Variants in LHX2 observed in about 807,000 individuals in gnomAD.
The protein encoded by LHX2 is LIM/homeobox protein Lhx2.
Under a neutral mutation model 33.0 loss-of-function variants are expected in LHX2, and 6 were observed. That is an observed-to-expected ratio of 0.18 (90% CI 0.10 to 0.36). The LOEUF (loss-of-function observed/expected upper bound fraction) is 0.36, where lower values mean the gene tolerates loss of function less well. Among genes scored for constraint, LHX2 ranks in the 10% least tolerant of loss-of-function variants. The pLI, the probability that LHX2 is intolerant of heterozygous loss-of-function variation, is 1.00. For synonymous variants in LHX2, 292 were observed against 253.1 expected (o/e 1.15, Z -1.46); for missense variants, 442 against 586.2 (o/e 0.75, Z 2.54).
In LHX2 at chr9:124,014,293, C is replaced by G. The variant is rs574111621; in HGVS notation, c.323+130C>G. On this transcript the variant is annotated intron_variant, in intron 2 of 4. Transcript: ENST00000373615. The surrounding 1 kb of genome is among the most constrained non-coding windows in gnomAD (Gnocchi z 4.8). ...CTACTCAGGACTCCCCCGCTCCCCCCCCAAGTTCTCCAAGCCACCACAAGT... is the reference window on the plus strand; with the variant it reads ...CTACTCAGGACTCCCCCGCTCCCCCGCCAAGTTCTCCAAGCCACCACAAGT... The G allele has an allele frequency of 1.8e-4, 112 of 622,440 alleles. 2 individuals are homozygous for G. The highest frequency in any genetic ancestry group is 9.9e-4 in the South Asian group (55 of 55,510). The allele number at this position is 622,440 out of a possible 1,614,324, so 38.6% of individuals were successfully genotyped here. A position where few individuals can be genotyped will look rare whatever the true frequency, so the allele number is the denominator to read the frequency against.
intron 4 of LHX2, among the ~76,000 whole-genome samples, chr9:124,027,602 A>G (rs1442785540): frequency 6.6e-6 from 1 of 152,072 alleles, no homozygotes; most frequent in Non-Finnish European, 1.5e-5. Context: ...GCAGATCACA[A>G]GGTCAGGAGG....
intron 4 of LHX2, among the ~76,000 whole-genome samples, chr9:124,023,395 C>T (rs2118769613): frequency 6.6e-6 from 1 of 152,334 alleles, no homozygotes; most frequent in African/African-American, 2.4e-5. Flanking sequence ...TGGGCATAGA[C>T]AGGCTTGCTC....
intron 4 of LHX2, among the ~76,000 whole-genome samples, chr9:124,031,101 G>T (rs751815489): frequency 3.9e-5 from 6 of 152,138 alleles, no homozygotes; most frequent in African/African-American, 1.4e-4. Context: ...CCCGCCGCAC[G>T]TCCCTCATAA....
chr9:124,027,370 G>A (rs1315215463), intron 4 of LHX2, among the ~76,000 whole-genome samples: 1 of 152,222 alleles, frequency 6.6e-6, no homozygotes, highest in East Asian at 1.9e-4. Context: ...CATAGAACCA[G>A]TCTGTTGGAA....
Position 124,015,353 on chromosome 9 carries a change from C to A in LHX2, c.555C>A (p.Asp185Glu), listed in dbSNP as rs757898602. The A allele has an allele frequency of 6.2e-7, 1 of 1,611,270 alleles. No homozygotes were observed. The highest frequency in any genetic ancestry group is 2.2e-5 in the East Asian group (1 of 44,798). Residue 185 changes from aspartate to glutamate, a missense_variant, in exon 3 of 5, where the codon GAC becomes GAA. Coordinates refer to ENST00000373615, the MANE Select transcript of LHX2 (RefSeq NM_004789.4). This position sits in a 1 kb window ranked among gnomAD's most constrained non-coding sequence, Gnocchi z 7.9. ...GEYPAHFNHA[D>E]VAAAAAAAAA... Reference sequence around the variant, plus strand: ...ACCCCGCACACTTCAACCATGCCGACGTGGCAGCGGCGGCCGCTGCAGCCG... The same window carrying A: ...ACCCCGCACACTTCAACCATGCCGAAGTGGCAGCGGCGGCCGCTGCAGCCG...
intron 4 of LHX2, among the ~76,000 whole-genome samples, chr9:124,030,046 A>G (rs1828686663): frequency 6.6e-6 from 1 of 152,202 alleles, no homozygotes; most frequent in South Asian, 2.1e-4. Flanking sequence ...AGAAGGGGTG[A>G]TGGGCTTTCT....
At position 124,021,103 on chromosome 9, in the gene LHX2, A is replaced by G. The variant is rs1231923456; in HGVS notation, c.732A>G (p.Leu244=). Reference sequence around the variant, plus strand: ...GGCTCTGTGTCTCCTCCCTAGCGCTAAGCTGCAACGAAAACGACGCAGAGC... The same window carrying G: ...GGCTCTGTGTCTCCTCCCTAGCGCTGAGCTGCAACGAAAACGACGCAGAGC... ...GADLAAYNAA[L]SCNENDAEHL... Residue 244 remains leucine, a synonymous_variant, in exon 4 of 5, where the codon CTA becomes CTG. Coordinates refer to ENST00000373615, the MANE Select transcript of LHX2 (RefSeq NM_004789.4). 2 of 1,613,980 alleles carry G rather than the reference A, an allele frequency of 1.2e-6. No individual in the cohort carries two copies. The highest frequency in any genetic ancestry group is 1.1e-5 in the South Asian group (1 of 91,078).
intron 3 of LHX2, among the ~76,000 whole-genome samples, chr9:124,018,682 T>A (rs1179163038): frequency 1.3e-5 from 2 of 152,068 alleles, no homozygotes; most frequent in Non-Finnish European, 2.9e-5. Context: ...CCGCTCTCCC[T>A]ATTTCTTGCT....
Position 124,013,988 on chromosome 9 carries a change from G to A in LHX2, c.148G>A (p.Ala50Thr), listed in dbSNP as rs113895098. Residue 50 changes from alanine (A) to threonine (T), a missense_variant, in exon 2 of 5, where the codon GCC becomes ACC. Ala to Thr is a moderately conservative substitution (Grantham distance 58). Around this residue, in one of 5 missense-constraint regions of LHX2, gnomAD observed 97 missense variants for 81.5 expected, o/e 1.19. Transcript: ENST00000373615. ...TTMPSISSDRAALCAGCGGKI... is the reference protein window; with the variant it reads ...TTMPSISSDRTALCAGCGGKI... ...CATGCCGTCCATCAGCAGTGACCGCGCCGCGCTGTGCGCCGGCTGCGGGGG... is the reference window on the plus strand; with the variant it reads ...CATGCCGTCCATCAGCAGTGACCGCACCGCGCTGTGCGCCGGCTGCGGGGG... The A allele has an allele frequency of 5.0e-6, 8 of 1,613,066 alleles. No individual in the cohort carries two copies. The highest frequency in any genetic ancestry group is 4.5e-5 in the East Asian group (2 of 44,892).
In LHX2 at chr9:124,014,294, C is replaced by T. The variant is rs559704373; in HGVS notation, c.323+131C>T. 4 of 621,066 alleles carry T rather than the reference C, an allele frequency of 6.4e-6. No individual in the cohort carries two copies. The highest frequency in any genetic ancestry group is 3.6e-5 in the South Asian group (2 of 55,412). The allele number at this position is 621,066 out of a possible 1,614,324, so 38.5% of individuals were successfully genotyped here. On this transcript the variant is annotated intron_variant, in intron 2 of 4. Transcript: ENST00000373615. This position sits in a 1 kb window ranked among gnomAD's most constrained non-coding sequence, Gnocchi z 4.8. Reference sequence around the variant, plus strand: ...TACTCAGGACTCCCCCGCTCCCCCCCCAAGTTCTCCAAGCCACCACAAGTT... The same window carrying T: ...TACTCAGGACTCCCCCGCTCCCCCCTCAAGTTCTCCAAGCCACCACAAGTT...
intron 3 of LHX2, among the ~76,000 whole-genome samples, chr9:124,020,017 G>T (rs959782361): frequency 1.3e-5 from 2 of 152,206 alleles, no homozygotes. Flanking sequence ...TTAGGGACAG[G>T]CTCCCTCCTC....
chr9:124,017,816 G>A (rs1056940291), intron 3 of LHX2, among the ~76,000 whole-genome samples: 2 of 152,070 alleles, frequency 1.3e-5, no homozygotes, highest in Non-Finnish European at 2.9e-5. Context: ...AGTCCTTCCG[G>A]GGCGGGGCCG....
chr9:124,022,824 G>T (rs1254723457), intron 4 of LHX2, among the ~76,000 whole-genome samples: 4 of 152,242 alleles, frequency 2.6e-5, no homozygotes, highest in African/African-American at 9.6e-5. Flanking sequence ...CTCCCGAGGC[G>T]CCCCCTTGAG....
At chr9:124,021,353 G>T (rs1423648511) in intron 4 of LHX2, 49 bp downstream of exon 4, 2 of 1,569,588 alleles carry the variant, frequency 1.3e-6, no homozygotes, top group Non-Finnish European at 1.7e-6. Context: ...AGGGACTGGG[G>T]TGGAACCCTG....
At chr9:124,023,664 C>T (rs1828555830) in intron 4 of LHX2, among the ~76,000 whole-genome samples, 2 of 152,214 alleles carry the variant, frequency 1.3e-5, no homozygotes, top group South Asian at 4.1e-4. Context: ...GAGCCAGTCT[C>T]TGTTGGCCTT....
At chr9:124,019,930 C>T (rs1254447752) in intron 3 of LHX2, among the ~76,000 whole-genome samples, 1 of 152,158 alleles carries the variant, frequency 6.6e-6, no homozygotes, top group East Asian at 1.9e-4. Flanking sequence ...TTTCTGAGGC[C>T]CAGGTTTTCA....
intron 4 of LHX2, among the ~76,000 whole-genome samples, chr9:124,023,062 G>T (rs1037347881): frequency 3.3e-5 from 5 of 152,232 alleles, no homozygotes; most frequent in African/African-American, 1.2e-4. Context: ...TTCCTTCGTT[G>T]TTTGCCTTCT....
chr9:124,021,095 C>G lies in LHX2; in HGVS notation c.728-4C>G, dbSNP rs762399066. 6.2e-7 allele frequency: 1 copy of G among 1,614,014 alleles called. No homozygotes were observed. Among genetic ancestry groups the G allele is most frequent in the East Asian group, 2.2e-5 (1 of 44,892 alleles). ...CACCCACCGGCTCTGTGTCTCCTCCCTAGCGCTAAGCTGCAACGAAAACGA... is the reference window on the plus strand; with the variant it reads ...CACCCACCGGCTCTGTGTCTCCTCCGTAGCGCTAAGCTGCAACGAAAACGA... On this transcript the variant is annotated splice_region_variant and splice_polypyrimidine_tract_variant and intron_variant, in intron 3 of 4. Coordinates refer to ENST00000373615, the MANE Select transcript of LHX2 (RefSeq NM_004789.4).
Position 124,015,566 on chromosome 9 carries a change from GA to G in LHX2, c.727+44del. 1 of 1,444,928 alleles carries G rather than the reference GA, an allele frequency of 6.9e-7. No homozygotes were observed. The highest frequency in any genetic ancestry group is 9.1e-7 in the Non-Finnish European group (1 of 1,096,124). The allele number at this position is 1,444,928 out of a possible 1,614,324, so 89.5% of individuals were successfully genotyped here. ...ACGAAGCGCCCCCATAGGGTTGGGG[GA>G]AAGTGTGCGGCCTCGACGGCCGGGA... On this transcript the variant is annotated intron_variant, in intron 3 of 4. Transcript: ENST00000373615. The surrounding 1 kb of genome is among the most constrained non-coding windows in gnomAD (Gnocchi z 7.9).
Sources: gnomAD v4.1 joint callset for allele counts (sites outside exome capture counted in the v4.1 genomes callset) on GRCh38, gnomAD v4.1.1 for gene constraint, gnomAD v4.1.1 regional missense constraint, Gnocchi (gnomAD v3.1) non-coding constraint, MANE v1.5 for transcripts, NCBI Gene and HGNC (gene_info 2026-07-23, HGNC 2026-07-21) for gene names.